Variants in OXSR1 observed in about 807,000 individuals in gnomAD.
OXSR1 encodes the protein serine/threonine-protein kinase OSR1.
OXSR1 carries 24 observed loss-of-function variants against 79.8 expected under a neutral mutation model. The ratio of observed to expected loss-of-function variants is 0.30; its 90% CI spans 0.22 to 0.42. The LOEUF is 0.42. Ranked by LOEUF, OXSR1 falls within the 10% of genes least tolerant of loss-of-function variation. OXSR1 has a pLI of 1.00. For synonymous variants in OXSR1, 226 were observed against 209.2 expected (o/e 1.08, Z -0.69); for missense variants, 430 against 618.4 (o/e 0.70, Z 3.23).
chr3:38,230,298 T>C, intron 9 of OXSR1, 67 bp from the exon 10 acceptor site: 1 of 1,014,548 alleles, frequency 9.9e-7, no homozygotes, highest in South Asian at 1.4e-5. Flanking sequence ...TATGGTGAAC[T>C]TTTTTGTGGG....
intron 3 of OXSR1, among the ~76,000 whole-genome samples, chr3:38,194,719 A>G (rs1258503170): frequency 6.6e-6 from 1 of 152,122 alleles, no homozygotes; most frequent in Non-Finnish European, 1.5e-5. Flanking sequence ...GAGCAGAGAG[A>G]ATGAGAGAAG....
intron 1 of OXSR1, among the ~76,000 whole-genome samples, chr3:38,166,197 A>G (rs1701451668): frequency 6.6e-6 from 1 of 152,104 alleles, no homozygotes. Context: ...ATTTGTGTAC[A>G]GGATTCTCAA....
intron 1 of OXSR1, among the ~76,000 whole-genome samples, chr3:38,175,605 G>T (rs1030917172): frequency 3.3e-5 from 5 of 152,164 alleles, no homozygotes; most frequent in African/African-American, 4.8e-5. Flanking sequence ...CCGGCCCTAC[G>T]TTCTCTCTCT....
At chr3:38,214,756 T>C (rs550511621) in intron 4 of OXSR1, among the ~76,000 whole-genome samples, 70 of 152,330 alleles carry the variant, frequency 4.6e-4, no homozygotes, top group African/African-American at 1.6e-3. Flanking sequence ...TTTCCTTATG[T>C]TTCAGTGTAT....
At chr3:38,183,505 G>T (rs1701825844) in intron 2 of OXSR1, among the ~76,000 whole-genome samples, 1 of 152,110 alleles carries the variant, frequency 6.6e-6, no homozygotes, top group African/African-American at 2.4e-5. Flanking sequence ...TATTAACTAT[G>T]ATATTTGCTA....
chr3:38,186,045 T>A (rs1335531365), intron 2 of OXSR1, among the ~76,000 whole-genome samples: 2 of 151,686 alleles, frequency 1.3e-5, no homozygotes, highest in East Asian at 3.9e-4. Context: ...TGGAAATGTT[T>A]GTGGCCTGGG....
At chr3:38,220,689 T>C (rs889061159) in intron 5 of OXSR1, among the ~76,000 whole-genome samples, 1 of 152,222 alleles carries the variant, frequency 6.6e-6, no homozygotes, top group East Asian at 1.9e-4. Context: ...GCTGTTAGCA[T>C]GGCTCAGCTC....
At chr3:38,249,712 A>G (rs1229251462) in intron 14 of OXSR1, among the ~76,000 whole-genome samples, 2 of 152,154 alleles carry the variant, frequency 1.3e-5, no homozygotes, top group Admixed American at 6.5e-5. Flanking sequence ...GGCATATAAG[A>G]ATCTACTCAA....
At chr3:38,246,300 A>C in intron 13 of OXSR1, 79 bp downstream of exon 13, 1 of 1,363,254 alleles carries the variant, frequency 7.3e-7, no homozygotes, top group Non-Finnish European at 1.0e-6. Context: ...ATATAACCTA[A>C]TGTAATCAGG....
chr3:38,232,897 C>T (rs1702839975), intron 10 of OXSR1, among the ~76,000 whole-genome samples: 1 of 152,206 alleles, frequency 6.6e-6, no homozygotes, highest in African/African-American at 2.4e-5. Context: ...GGCAAATCAG[C>T]AGACTATAAT....
chr3:38,229,669 C>T lies in OXSR1; in HGVS notation c.837-18C>T. ...AATTAATTATAAAAACTTTTCTTCC[C>T]TCCCTTCCTGGTTTTAGACCAACAG... On this transcript the variant is annotated intron_variant, in intron 8 of 17. Coordinates refer to ENST00000311806, the MANE Select transcript of OXSR1 (RefSeq NM_005109.3). The T allele has an allele frequency of 6.2e-7, 1 of 1,604,480 alleles. No homozygotes were observed. Among genetic ancestry groups the T allele is most frequent in the Non-Finnish European group, 8.5e-7 (1 of 1,173,712 alleles).
intron 12 of OXSR1, among the ~76,000 whole-genome samples, chr3:38,244,182 A>G (rs1174200470): frequency 2.0e-5 from 3 of 152,118 alleles, no homozygotes; most frequent in African/African-American, 7.2e-5. Flanking sequence ...TTTTATTTTT[A>G]GTCTTCTCCT....
chr3:38,213,483 A>G (rs530215296), intron 4 of OXSR1, among the ~76,000 whole-genome samples: 54 of 152,310 alleles, frequency 3.5e-4, no homozygotes, highest in African/African-American at 1.3e-3. Flanking sequence ...ATAGTATAAT[A>G]TGGTATCCTG....
At chr3:38,203,741 G>GCATCC (rs1702213156) in intron 4 of OXSR1, among the ~76,000 whole-genome samples, 1 of 152,170 alleles carries the variant, frequency 6.6e-6, no homozygotes, top group Non-Finnish European at 1.5e-5. Flanking sequence ...GATGACACAA[G>GCATCC]CACCCCTGTG....
chr3:38,241,294 G>A (rs960287924), intron 11 of OXSR1, among the ~76,000 whole-genome samples: 2 of 152,008 alleles, frequency 1.3e-5, no homozygotes, highest in African/African-American at 4.8e-5. Context: ...TGGTGGGAGT[G>A]GAGGGACTGT....
chr3:38,166,408 A>G (rs974115679), intron 1 of OXSR1, among the ~76,000 whole-genome samples: 3 of 152,160 alleles, frequency 2.0e-5, no homozygotes, highest in Admixed American at 2.0e-4. Context: ...GTGAAGCTGC[A>G]GGAACCGCGC....
chr3:38,187,406 AT>A (rs1473535319), intron 2 of OXSR1, among the ~76,000 whole-genome samples: 1 of 152,216 alleles, frequency 6.6e-6, no homozygotes. Context: ...GATTTCCTGG[AT>A]GGAAAATACA....
At chr3:38,229,920 C>T (rs1000797253) in intron 9 of OXSR1, among the ~76,000 whole-genome samples, 185 bp downstream of exon 9, 7 of 152,020 alleles carry the variant, frequency 4.6e-5, no homozygotes, top group Admixed American at 2.0e-4. Flanking sequence ...TTAGTAAATC[C>T]GTTTTTAAAT....
At chr3:38,237,626 A>C (rs1361360437) in intron 11 of OXSR1, among the ~76,000 whole-genome samples, 1 of 152,168 alleles carries the variant, frequency 6.6e-6, no homozygotes, top group Non-Finnish European at 1.5e-5. Flanking sequence ...TGGTGAAAGC[A>C]CTTAAGACTC....
Sources: gnomAD v4.1 joint callset for allele counts (sites outside exome capture counted in the v4.1 genomes callset) on GRCh38, gnomAD v4.1.1 for gene constraint, MANE v1.5 for transcripts, NCBI Gene and HGNC (gene_info 2026-07-23, HGNC 2026-07-21) for gene names.